MYO18A: variants seen among roughly 807,000 people sequenced by gnomAD.
The protein encoded by MYO18A is unconventional myosin-XVIIIa.
In MYO18A, 78 loss-of-function variants were observed where a neutral mutation model predicts 235.8. That is an observed-to-expected ratio of 0.33 (90% CI 0.28 to 0.40). The LOEUF (loss-of-function observed/expected upper bound fraction) is 0.40, where lower values mean the gene tolerates loss of function less well. Among genes scored for constraint, MYO18A ranks in the 10% least tolerant of loss-of-function variants. MYO18A has a pLI of 1.00. For synonymous variants in MYO18A, 977 were observed against 1,077.8 expected, an observed-to-expected ratio of 0.91 and a Z score of 1.83; for missense variants, 2,215 against 2,699.3, an observed-to-expected ratio of 0.82 and a Z score of 3.98.
chr17:29,167,358 G>C (rs1258247878), intron 1 of MYO18A, among the ~76,000 whole-genome samples: 1 of 152,184 alleles, frequency 6.6e-6, no homozygotes, highest in East Asian at 1.9e-4. Flanking sequence ...GAGGTAGTAT[G>C]TGGGAGACCT....
intron 23 of MYO18A, among the ~76,000 whole-genome samples, 179 bp from the exon 24 acceptor site, chr17:29,098,624 A>G (rs1490295589): frequency 6.6e-6 from 1 of 152,200 alleles, no homozygotes; most frequent in East Asian, 1.9e-4. Context: ...ACGCTTCCCA[A>G]TAAGCTAGGG....
intron 1 of MYO18A, among the ~76,000 whole-genome samples, chr17:29,172,833 G>C (rs748376523): frequency 5.3e-5 from 8 of 152,196 alleles, no homozygotes; most frequent in Non-Finnish European, 1.0e-4. Flanking sequence ...GAGGGCCCAC[G>C]TAGCTAGTGC....
intron 2 of MYO18A, among the ~76,000 whole-genome samples, chr17:29,156,603 C>T (rs1483287261): frequency 1.3e-5 from 2 of 152,194 alleles, no homozygotes; most frequent in East Asian, 1.9e-4. Flanking sequence ...TCTGGAAGAC[C>T]GAACAGAGAG....
At chr17:29,091,417 C>G in intron 34 of MYO18A, 1 of 332,762 alleles carries the variant, frequency 3.0e-6, no homozygotes. Flanking sequence ...GAAGAGAGAT[C>G]CAACAGCAGC....
chr17:29,081,636 G>C (rs1311173006), intron 41 of MYO18A, among the ~76,000 whole-genome samples: 1 of 151,316 alleles, frequency 6.6e-6, no homozygotes, highest in Non-Finnish European at 1.5e-5. Flanking sequence ...ATGGCTTTGT[G>C]GGGGGTGAGG....
intron 8 of MYO18A, 23 bp downstream of exon 8, chr17:29,119,312 G>A: frequency 1.3e-6 from 2 of 1,575,502 alleles, no homozygotes; most frequent in Non-Finnish European, 1.7e-6. Flanking sequence ...GAGAACCCTT[G>A]TGTACCCTCT....
chr17:29,121,635 C>T lies in MYO18A; in HGVS notation c.1283G>A (p.Arg428His). ...ESSVLHTLRQ[R>H]YGASLLHTYA... ...CGTGTGCAGCAGGCTAGCGCCATAGCGCTGGCGCAAGGTGTGCAGGACGCT... is the reference window on the plus strand; with the variant it reads ...CGTGTGCAGCAGGCTAGCGCCATAGTGCTGGCGCAAGGTGTGCAGGACGCT... The change falls in exon 5 of 42, where the codon CGC (arginine) becomes CAC (histidine). Residue 428 changes from arginine (R) to histidine (H), a missense_variant. By Grantham distance (29) the Arg-to-His change is conservative (BLOSUM62 0). Coordinates refer to ENST00000527372, the MANE Select transcript of MYO18A (RefSeq NM_078471.4). This position sits in a 1 kb window ranked among gnomAD's most constrained non-coding sequence, Gnocchi z 4.2. 1 of 1,579,636 alleles carries T rather than the reference C, an allele frequency of 6.3e-7. No homozygotes were observed. Among genetic ancestry groups the T allele is most frequent in the South Asian group, 1.1e-5 (1 of 87,012 alleles).
chr17:29,143,716 C>G (rs1190465653), intron 2 of MYO18A, among the ~76,000 whole-genome samples: 1 of 152,004 alleles, frequency 6.6e-6, no homozygotes, highest in Non-Finnish European at 1.5e-5. Context: ...ACATATATAC[C>G]CTGCTTCCTT....
rs373128759 is a variant in MYO18A at position 29,090,862 on chromosome 17, T to C, written c.5252A>G (p.Asp1751Gly). The C allele has an allele frequency of 2.5e-5, 41 of 1,613,944 alleles. No homozygotes were observed. The highest frequency in any genetic ancestry group is 3.1e-5 in the Non-Finnish European group (36 of 1,179,910). ...CATCAATTCGTTCATGTCTTCCTGA[T>C]CTTCCTCCAGCCGGTTCTGGATCTC... ...KNEIQNRLEE[D>G]QEDMNELMKK... The change falls in exon 35 of 42, where the codon GAT (aspartate) becomes GGT (glycine). Residue 1751 changes from aspartate to glycine, a missense_variant. Coordinates refer to ENST00000527372, the MANE Select transcript of MYO18A (RefSeq NM_078471.4).
intron 2 of MYO18A, among the ~76,000 whole-genome samples, chr17:29,139,700 T>A (rs1345771103): frequency 6.6e-6 from 1 of 152,142 alleles, no homozygotes; most frequent in Non-Finnish European, 1.5e-5. Flanking sequence ...AACTTACTTA[T>A]CTGGAGTAAT....
intron 21 of MYO18A, among the ~76,000 whole-genome samples, chr17:29,101,932 G>C (rs933176062): frequency 5.3e-5 from 8 of 152,096 alleles, no homozygotes; most frequent in African/African-American, 1.7e-4. Flanking sequence ...ATGTCAGGAG[G>C]CTCTGAGCCC....
chr17:29,093,209 C>T (rs2066441028), intron 32 of MYO18A, 114 bp downstream of exon 32: 2 of 1,105,868 alleles, frequency 1.8e-6, no homozygotes, highest in Non-Finnish European at 2.6e-6. Flanking sequence ...GGGCTCTTTG[C>T]AGCACCCCCA....
Position 29,167,014 on chromosome 17 carries a change from C to T in MYO18A, c.-74G>A. The T allele has an allele frequency of 6.9e-7, 1 of 1,451,048 alleles. No homozygotes were observed. The highest frequency in any genetic ancestry group is 9.1e-7 in the Non-Finnish European group (1 of 1,100,136). 89.9% of individuals were successfully genotyped at this position (1,451,048 alleles called of 1,614,324 possible). A position where few individuals can be genotyped will look rare whatever the true frequency, so the allele number is the denominator to read the frequency against. On this transcript the variant is annotated 5_prime_UTR_variant, in exon 2 of 42. It adds an upstream start codon to the 5' untranslated region. Transcript: ENST00000527372. Reference sequence around the variant, plus strand: ...CTTAGCACAGGGCCTTGGTGCCCCACTTTGCTGCTGCAAACAGAAACACAC... The same window carrying T: ...CTTAGCACAGGGCCTTGGTGCCCCATTTTGCTGCTGCAAACAGAAACACAC...
rs962421288 is a variant in MYO18A at position 29,111,962 on chromosome 17, T to C, written c.2599-99A>G. The C allele has an allele frequency of 1.4e-5, 20 of 1,415,958 alleles. No individual in the cohort carries two copies. The South Asian group carries it at 2.3e-4, about 16-fold the overall frequency. The allele number at this position is 1,415,958 out of a possible 1,614,324, so 87.7% of individuals were successfully genotyped here. Reference sequence around the variant, plus strand: ...AACACACCCTACAGAATGCTACACATGTGCACACATGCACACACGCACATG... The same window carrying C: ...AACACACCCTACAGAATGCTACACACGTGCACACATGCACACACGCACATG... On this transcript the variant is annotated intron_variant, in intron 15 of 41. Transcript: ENST00000527372. The surrounding 1 kb of genome is among the most constrained non-coding windows in gnomAD (Gnocchi z 5.1).
At chr17:29,144,755 C>T (rs2067812191) in intron 2 of MYO18A, among the ~76,000 whole-genome samples, 1 of 152,170 alleles carries the variant, frequency 6.6e-6, no homozygotes, top group African/African-American at 2.4e-5. Flanking sequence ...ACATTACATA[C>T]ATACGGTTCT....
In MYO18A at chr17:29,126,631, A is replaced by T. The variant is rs1157570212; in HGVS notation, c.1000-4378T>A. Among the ~76,000 whole-genome samples, 3 of 152,152 alleles carry T rather than the reference A, an allele frequency of 2.0e-5. No homozygotes were observed. Among genetic ancestry groups the T allele is most frequent in the Non-Finnish European group, 2.9e-5 (2 of 68,018 alleles). On this transcript the variant is annotated intron_variant, in intron 2 of 41. Transcript: ENST00000527372. This position sits in a 1 kb window ranked among gnomAD's most constrained non-coding sequence, Gnocchi z 4.1. The stretch of plus-strand genomic sequence containing the variant: ...TCAAGGCCTCTCAGGCTATTCCCCC[A>T]TACCCTCCAGACCCCTCTCCTTCCA...
intron 2 of MYO18A, among the ~76,000 whole-genome samples, chr17:29,123,649 C>T (rs1205106244): frequency 6.6e-6 from 1 of 152,214 alleles, no homozygotes; most frequent in African/African-American, 2.4e-5. Flanking sequence ...TTCATGGACC[C>T]ATGAAATAAC....
chr17:29,116,804 G>A (rs1413494665), intron 10 of MYO18A, among the ~76,000 whole-genome samples: 2 of 140,968 alleles, frequency 1.4e-5, no homozygotes, highest in Non-Finnish European at 3.0e-5. Flanking sequence ...AGATCGCTGT[G>A]CTGACACCCG....
chr17:29,111,960 C>A lies in MYO18A; in HGVS notation c.2599-97G>T. ...CAAACACACCCTACAGAATGCTACA[C>A]ATGTGCACACATGCACACACGCACA... On this transcript the variant is annotated intron_variant, in intron 15 of 41. Transcript: ENST00000527372. The surrounding 1 kb of genome is among the most constrained non-coding windows in gnomAD (Gnocchi z 5.1). The A allele has an allele frequency of 7.1e-7, 1 of 1,413,078 alleles. No homozygotes were observed. The highest frequency in any genetic ancestry group is 9.6e-7 in the Non-Finnish European group (1 of 1,044,258). The allele number at this position is 1,413,078 out of a possible 1,614,324, so 87.5% of individuals were successfully genotyped here.
Sources: gnomAD v4.1 joint callset for allele counts (sites outside exome capture counted in the v4.1 genomes callset) on GRCh38, gnomAD v4.1.1 for gene constraint, Gnocchi (gnomAD v3.1) non-coding constraint, MANE v1.5 for transcripts, NCBI Gene and HGNC (gene_info 2026-07-23, HGNC 2026-07-21) for gene names.